TRIM33: variants seen among roughly 807,000 people sequenced by gnomAD.
The protein encoded by TRIM33 is E3 ubiquitin-protein ligase TRIM33.
A neutral mutation model predicts 125.4 loss-of-function variants in TRIM33; 20 were observed. That is an observed-to-expected ratio of 0.16 (90% CI 0.11 to 0.23). The LOEUF (loss-of-function observed/expected upper bound fraction) is 0.23. TRIM33 is among the 10% of genes least tolerant of loss of function. The probability of loss-of-function intolerance (pLI) is 1.00; values close to 1 mark genes in which losing one functional copy is unlikely to be tolerated. For missense variants in TRIM33, 920 were observed against 1,411.4 expected (o/e 0.65, Z 5.58); for synonymous variants, 564 against 513.9 (o/e 1.10, Z -1.32).
At chr1:114,492,091 T>A (rs76218814) in intron 1 of TRIM33, among the ~76,000 whole-genome samples, 9,631 of 152,194 alleles carry the variant, frequency 0.063, 322 homozygotes, top group African/African-American at 0.086. Context: ...CAGTTTCACC[T>A]CAGCTGGGAA....
rs1653304749 is a variant in TRIM33, at chr1:114,510,821, C to T, written c.256G>A (p.Gly86Ser). ...QAASSPAASV[G>S]TGVAGGAVST... The stretch of plus-strand genomic sequence containing the variant: ...ACTGCGCCCCCGGCAACTCCAGTGC[C>T]CACTGAGGCCGCAGGAGATGAAGCA... Residue 86 changes from glycine (G) to serine (S), a missense_variant, in exon 1 of 20, where the codon GGC (glycine) becomes AGC (serine). Gly to Ser is a moderately conservative substitution (Grantham distance 56). Transcript: ENST00000358465. 5.3e-6 allele frequency: 8 copies of T among 1,518,980 alleles called. No homozygotes were observed. The highest frequency in any genetic ancestry group is 7.0e-6 in the Non-Finnish European group (8 of 1,140,370). The allele number at this position is 1,518,980 out of a possible 1,614,324, so 94.1% of individuals were successfully genotyped here.
At chr1:114,475,127 A>G (rs1216429205) in intron 1 of TRIM33, among the ~76,000 whole-genome samples, 1 of 152,192 alleles carries the variant, frequency 6.6e-6, no homozygotes, top group African/African-American at 2.4e-5. Context: ...GATGAACAAA[A>G]TATGACCCCC....
In TRIM33 at chr1:114,421,338, G is replaced by T. The variant is rs943043022; in HGVS notation, c.2061+98C>A. The T allele has an allele frequency of 1.4e-5, 16 of 1,146,932 alleles. No individual in the cohort carries two copies. The African/African-American group carries it at 2.4e-4, about 17-fold the overall frequency. 71.0% of individuals were successfully genotyped at this position (1,146,932 alleles called of 1,614,324 possible). ...TACTCTTCAGAAATTTCAAGGAAATGTTGATCCTGAATTAAAAAAAAAAAA... is the reference window on the plus strand; with the variant it reads ...TACTCTTCAGAAATTTCAAGGAAATTTTGATCCTGAATTAAAAAAAAAAAA... On this transcript the variant is annotated intron_variant, in intron 11 of 19. Coordinates refer to ENST00000358465, the MANE Select transcript of TRIM33 (RefSeq NM_015906.4).
chr1:114,402,706 T>C (rs1407204997), intron 16 of TRIM33, 54 bp downstream of exon 16: 3 of 1,582,584 alleles, frequency 1.9e-6, no homozygotes, highest in African/African-American at 2.7e-5. Flanking sequence ...AAGGTGTATA[T>C]ATAGGCAGAC....
At chr1:114,482,502 T>C (rs567119090) in intron 1 of TRIM33, among the ~76,000 whole-genome samples, 8 of 152,218 alleles carry the variant, frequency 5.3e-5, no homozygotes, top group South Asian at 2.1e-4. Context: ...AGAAGACAGA[T>C]TGGTATTGAT....
chr1:114,428,024 T>C lies in TRIM33; in HGVS notation c.1156-130A>G, dbSNP rs1647700701. ...GCTAAGTGAATAAGCTCCATGATTATTTAGCAAGCCTATCATCAGAGGAAA... is the reference window on the plus strand; with the variant it reads ...GCTAAGTGAATAAGCTCCATGATTACTTAGCAAGCCTATCATCAGAGGAAA... On this transcript the variant is annotated intron_variant, in intron 6 of 19. Coordinates refer to ENST00000358465, the MANE Select transcript of TRIM33 (RefSeq NM_015906.4). 4 of 911,204 alleles carry C rather than the reference T, an allele frequency of 4.4e-6. No individual in the cohort carries two copies. The South Asian group carries it at 6.0e-5, about 14-fold the overall frequency. The allele number at this position is 911,204 out of a possible 1,614,324, so 56.4% of individuals were successfully genotyped here. A position where few individuals can be genotyped will look rare whatever the true frequency, so the allele number is the denominator to read the frequency against.
intron 11 of TRIM33, among the ~76,000 whole-genome samples, chr1:114,416,629 T>C (rs911407432): frequency 2.0e-5 from 3 of 152,204 alleles, no homozygotes; most frequent in Non-Finnish European, 2.9e-5. Flanking sequence ...CACTAAAGTA[T>C]AATTCAGTCC....
chr1:114,450,608 G>A (rs1649253652), intron 4 of TRIM33, among the ~76,000 whole-genome samples: 3 of 151,918 alleles, frequency 2.0e-5, no homozygotes, highest in Admixed American at 2.0e-4. Flanking sequence ...GCCCAGGCTG[G>A]TCTTGAACTC....
At chr1:114,486,576 C>T (rs1651710574) in intron 1 of TRIM33, among the ~76,000 whole-genome samples, 2 of 139,570 alleles carry the variant, frequency 1.4e-5, no homozygotes, top group Admixed American at 1.4e-4. Context: ...ACCCAAAAAC[C>T]AAAAATTTAA....
chr1:114,468,502 A>G (rs1317208773), intron 1 of TRIM33: 1 of 381,864 alleles, frequency 2.6e-6, no homozygotes, highest in Non-Finnish European at 5.1e-6. Flanking sequence ...AACAGTAGGG[A>G]AAAAGGTGCT....
At chr1:114,471,061 A>T (rs1204675437) in intron 1 of TRIM33, among the ~76,000 whole-genome samples, 1 of 152,190 alleles carries the variant, frequency 6.6e-6, no homozygotes, top group Non-Finnish European at 1.5e-5. Flanking sequence ...GGCCTCTCAA[A>T]GTGTTGGGAC....
At chr1:114,474,409 T>TA (rs35612457) in intron 1 of TRIM33, among the ~76,000 whole-genome samples, 26,243 of 136,208 alleles carry the variant, frequency 0.19, 2,643 homozygotes, top group Non-Finnish European at 0.24. Flanking sequence ...TTCTACAAAT[T>TA]AAAAAAAAAA....
intron 1 of TRIM33, 68 bp downstream of exon 1, chr1:114,510,483 G>A: frequency 1.5e-6 from 2 of 1,377,598 alleles, no homozygotes; most frequent in Non-Finnish European, 9.4e-7. Flanking sequence ...CAGCACCTCC[G>A]TCCCCAGCTC....
At chr1:114,413,347 T>C (rs548272843) in intron 11 of TRIM33, among the ~76,000 whole-genome samples, 6 of 151,738 alleles carry the variant, frequency 4.0e-5, no homozygotes, top group East Asian at 1.9e-4. Flanking sequence ...TCACCTGAGG[T>C]TGGGAGTTGG....
intron 6 of TRIM33, among the ~76,000 whole-genome samples, chr1:114,428,938 T>G (rs529431849): frequency 5.0e-4 from 76 of 151,840 alleles, no homozygotes; most frequent in African/African-American, 1.8e-3. Context: ...CACTGCAAAC[T>G]CCACTTCCCA....
intron 1 of TRIM33, among the ~76,000 whole-genome samples, chr1:114,477,510 T>C (rs1476136538): frequency 6.6e-6 from 1 of 152,208 alleles, no homozygotes; most frequent in African/African-American, 2.4e-5. Flanking sequence ...AATCTTTGAG[T>C]CTTAGTTTCC....
chr1:114,411,217 T>C (rs1201313926), intron 11 of TRIM33, among the ~76,000 whole-genome samples: 3 of 150,682 alleles, frequency 2.0e-5, no homozygotes, highest in Non-Finnish European at 3.0e-5. Flanking sequence ...ATTTTTGTGT[T>C]TTTTTTTTAT....
intron 1 of TRIM33, among the ~76,000 whole-genome samples, chr1:114,505,426 C>A (rs941452538): frequency 6.6e-6 from 1 of 152,140 alleles, no homozygotes; most frequent in Non-Finnish European, 1.5e-5. Flanking sequence ...ACAGAAGACT[C>A]CTCAGAGTGG....
intron 10 of TRIM33, among the ~76,000 whole-genome samples, chr1:114,423,265 A>T (rs559196247): frequency 3.2e-4 from 48 of 152,176 alleles, no homozygotes; most frequent in Admixed American, 1.3e-3. Flanking sequence ...TTATAAAAAA[A>T]TTTTTTTCCT....
Sources: gnomAD v4.1 joint callset for allele counts (sites outside exome capture counted in the v4.1 genomes callset) on GRCh38, gnomAD v4.1.1 for gene constraint, MANE v1.5 for transcripts, NCBI Gene and HGNC (gene_info 2026-07-23, HGNC 2026-07-21) for gene names.